Variants in ELF1 observed in about 807,000 individuals in gnomAD.
ELF1 encodes ETS-related transcription factor Elf-1.
A neutral mutation model predicts 59.9 loss-of-function variants in ELF1; 24 were observed. The observed-to-expected ratio is 0.40, with a 90% CI of 0.29 to 0.56. ELF1 has a LOEUF of 0.56. ELF1 is among the 20% of genes least tolerant of loss of function. ELF1 has a pLI of 0.44. For synonymous variants in ELF1, 248 were observed against 266.2 expected (o/e 0.93, Z 0.67); for missense variants, 627 against 742.2 (o/e 0.84, Z 1.80).
intron 1 of ELF1, among the ~76,000 whole-genome samples, chr13:41,046,884 C>T (rs9634762): frequency 6.6e-6 from 1 of 152,276 alleles, no homozygotes; most frequent in East Asian, 1.9e-4. Context: ...GAGTGTTTTC[C>T]AACTTGGTTC....
chr13:41,048,043 A>T (rs1383940854), intron 1 of ELF1, among the ~76,000 whole-genome samples: 1 of 152,214 alleles, frequency 6.6e-6, no homozygotes, highest in African/African-American at 2.4e-5. Context: ...GTTAGCAATG[A>T]GCGAGGGTCT....
intron 1 of ELF1, among the ~76,000 whole-genome samples, chr13:40,990,584 A>G (rs952235956): frequency 6.6e-6 from 1 of 152,088 alleles, no homozygotes; most frequent in Non-Finnish European, 1.5e-5. Flanking sequence ...GGCCAGGTGC[A>G]GTGGCTCACA....
At chr13:41,001,625 C>T (rs530856215) in intron 1 of ELF1, among the ~76,000 whole-genome samples, 2 of 152,190 alleles carry the variant, frequency 1.3e-5, no homozygotes, top group East Asian at 3.9e-4. Context: ...CAGCAGTGAA[C>T]AAACCGACCA....
At chr13:41,053,736 G>T (rs1877184725) in intron 1 of ELF1, among the ~76,000 whole-genome samples, 1 of 152,240 alleles carries the variant, frequency 6.6e-6, no homozygotes, top group Non-Finnish European at 1.5e-5. Context: ...TTCCTGAGTT[G>T]CAGTGAGCAA....
intron 1 of ELF1, among the ~76,000 whole-genome samples, chr13:40,990,711 C>T (rs1331356829): frequency 6.6e-6 from 1 of 151,748 alleles, no homozygotes; most frequent in Non-Finnish European, 1.5e-5. Context: ...AAAAATTAGC[C>T]GGGCTTGGTG....
rs1231913139 is a variant in ELF1, at chr13:40,932,976, A to G, written c.*449T>C. On this transcript the variant is annotated 3_prime_UTR_variant, in exon 9 of 9. Transcript: ENST00000239882. Reference sequence around the variant, plus strand: ...TAAAGTCAATCTAAGTGACACCATAATTTTAACAAAGCATAAAATAGGTTT... The same window carrying G: ...TAAAGTCAATCTAAGTGACACCATAGTTTTAACAAAGCATAAAATAGGTTT... 1 of 164,786 alleles carries G rather than the reference A, an allele frequency of 6.1e-6. No homozygotes were observed. The highest frequency in any genetic ancestry group is 2.4e-5 in the African/African-American group (1 of 41,528). 10.2% of individuals were successfully genotyped at this position (164,786 alleles called of 1,614,324 possible).
intron 1 of ELF1, among the ~76,000 whole-genome samples, chr13:41,016,943 A>ATAGAT (rs1875421479): frequency 1.3e-5 from 1 of 74,774 alleles, no homozygotes; most frequent in Non-Finnish European, 2.6e-5. Flanking sequence ...AAAAAAAAAA[A>ATAGAT]AAAAATATAT....
chr13:41,057,662 A>G (rs1241839483), intron 1 of ELF1, among the ~76,000 whole-genome samples: 1 of 152,184 alleles, frequency 6.6e-6, no homozygotes, highest in Non-Finnish European at 1.5e-5. Context: ...ATAAGCCACC[A>G]CACCCTGCCT....
At chr13:40,971,430 T>A (rs764978251) in intron 2 of ELF1, among the ~76,000 whole-genome samples, 7 of 152,082 alleles carry the variant, frequency 4.6e-5, no homozygotes, top group Non-Finnish European at 8.8e-5. Flanking sequence ...GCTATTTTTT[T>A]AATAGAAACG....
At chr13:41,021,754 T>C (rs1875699732), upstream of ELF1, among the ~76,000 whole-genome samples, 1 of 152,134 alleles carries the variant, frequency 6.6e-6, no homozygotes, top group African/African-American at 2.4e-5. Context: ...AACAATCCAG[T>C]TTTTTAAATG....
intron 1 of ELF1, among the ~76,000 whole-genome samples, chr13:41,053,336 AGACT>A (rs1877166899): frequency 6.6e-6 from 1 of 152,066 alleles, no homozygotes; most frequent in Admixed American, 6.6e-5. Context: ...CCTGGGTGAC[AGACT>A]GAGACTCCGT....
At chr13:41,019,096 G>T in intron 1 of ELF1, 132 bp downstream of exon 1, 2 of 749,468 alleles carry the variant, frequency 2.7e-6, no homozygotes, top group Non-Finnish European at 3.3e-6. Context: ...TCAGGCATGT[G>T]ACTGACCACA....
intron 1 of ELF1, among the ~76,000 whole-genome samples, chr13:40,995,211 T>C (rs967744986): frequency 6.6e-6 from 1 of 152,210 alleles, no homozygotes; most frequent in Admixed American, 6.5e-5. Context: ...ACTACCTCTA[T>C]TCTAGCCCCA....
chr13:40,941,940 C>G (rs547676904), intron 7 of ELF1, among the ~76,000 whole-genome samples: 1 of 152,184 alleles, frequency 6.6e-6, no homozygotes, highest in African/African-American at 2.4e-5. Flanking sequence ...ATTATAGAAG[C>G]GAGCCACCAC....
chr13:40,970,762 CAT>C lies in ELF1; in HGVS notation c.72+11219_72+11220del, dbSNP rs146946777. Among the ~76,000 whole-genome samples the C allele has an allele frequency of 8.4e-3, 1,286 of 152,204 alleles. 16 individuals carry two copies. Among genetic ancestry groups the C allele is most frequent in the African/African-American group, 0.029 (1,206 of 41,518 alleles). On this transcript the variant is annotated intron_variant, in intron 2 of 8. Transcript: ENST00000239882. ...CTGCTATAAATGTCACATAGATAAACATGTGGTTTAATTAAGGGGAAAAAAGG... is the reference window on the plus strand; with the variant it reads ...CTGCTATAAATGTCACATAGATAAACGTGGTTTAATTAAGGGGAAAAAAGG...
chr13:41,000,083 T>G (rs1310456411), intron 1 of ELF1, among the ~76,000 whole-genome samples: 1 of 152,128 alleles, frequency 6.6e-6, no homozygotes. Flanking sequence ...TGAAGAAATA[T>G]GTGATATAAA....
In ELF1 at chr13:40,951,315, T is replaced by C. The variant is rs1164122614; in HGVS notation, c.361+14A>G. On this transcript the variant is annotated intron_variant, in intron 4 of 8. Transcript: ENST00000239882. ...TAACAAAGTACATAAACATAAACAA[T>C]CATAATCACTCACTTATTCGTTTTT... The C allele has an allele frequency of 9.4e-6, 15 of 1,593,352 alleles. No individual in the cohort carries two copies. Among genetic ancestry groups the C allele is most frequent in the Non-Finnish European group, 1.3e-5 (15 of 1,164,164 alleles).
At chr13:40,978,593 G>A (rs11147831) in intron 2 of ELF1, among the ~76,000 whole-genome samples, 83,228 of 151,610 alleles carry the variant, frequency 0.55, 25,897 homozygotes, top group Non-Finnish European at 0.69. Context: ...CACTAGACTG[G>A]GAGAAAATGT....
chr13:41,030,230 G>T (rs1876107254), intron 1 of ELF1, among the ~76,000 whole-genome samples: 1 of 152,140 alleles, frequency 6.6e-6, no homozygotes, highest in African/African-American at 2.4e-5. Context: ...AAAAAGGCAT[G>T]TGTGTTTCCA....
Sources: gnomAD v4.1 joint callset for allele counts (sites outside exome capture counted in the v4.1 genomes callset) on GRCh38, gnomAD v4.1.1 for gene constraint, MANE v1.5 for transcripts, NCBI Gene and HGNC (gene_info 2026-07-23, HGNC 2026-07-21) for gene names.